Variants in CDK14 observed in about 807,000 individuals in gnomAD.
CDK14 encodes cyclin-dependent kinase 14.
In CDK14, 34 loss-of-function variants were observed where a neutral mutation model predicts 60.7. The observed-to-expected ratio is 0.56, with a 90% CI of 0.43 to 0.75. CDK14 has a LOEUF of 0.75. Ranked by LOEUF, CDK14 falls within the 30% of genes least tolerant of loss-of-function variation. The pLI, the probability that CDK14 is intolerant of heterozygous loss-of-function variation, is 0.00. For synonymous variants in CDK14, 197 were observed against 203.7 expected (o/e 0.97, Z 0.28); for missense variants, 482 against 564.1 (o/e 0.85, Z 1.47).
At chr7:90,712,068 G>GT (rs544472058) in intron 2 of CDK14, among the ~76,000 whole-genome samples, 23,474 of 145,742 alleles carry the variant, frequency 0.16, 1,931 homozygotes, top group Middle Eastern at 0.28. Flanking sequence ...TATGTGGCAA[G>GT]TTTTTTTTTT....
At chr7:91,143,881 T>A (rs803172) in intron 14 of CDK14, among the ~76,000 whole-genome samples, 2 of 151,990 alleles carry the variant, frequency 1.3e-5, no homozygotes, top group Non-Finnish European at 2.9e-5. Context: ...AGACCTGAGC[T>A]GTTCCTTCAT....
intron 8 of CDK14, among the ~76,000 whole-genome samples, chr7:90,934,026 C>A (rs541381502): frequency 1.1e-4 from 16 of 152,372 alleles, no homozygotes; most frequent in African/African-American, 2.9e-4. Flanking sequence ...ATTTAGCCTG[C>A]AGGCTGTGCT....
chr7:90,847,964 C>T (rs962090169), intron 5 of CDK14, among the ~76,000 whole-genome samples: 1 of 152,106 alleles, frequency 6.6e-6, no homozygotes, highest in Non-Finnish European at 1.5e-5. Flanking sequence ...TTTATTTGTT[C>T]ACATCCTTGT....
At chr7:90,776,717 C>T (rs1805062809) in intron 4 of CDK14, among the ~76,000 whole-genome samples, 1 of 152,154 alleles carries the variant, frequency 6.6e-6, no homozygotes, top group African/African-American at 2.4e-5. Flanking sequence ...TACTTTGGTT[C>T]TCTTTGGAGT....
At chr7:90,777,559 G>C (rs1382825614) in intron 4 of CDK14, among the ~76,000 whole-genome samples, 1 of 152,218 alleles carries the variant, frequency 6.6e-6, no homozygotes, top group Non-Finnish European at 1.5e-5. Flanking sequence ...CAGGGGCAGA[G>C]CTAGGCATTG....
intron 12 of CDK14, among the ~76,000 whole-genome samples, chr7:91,097,354 C>G (rs937915104): frequency 2.0e-5 from 3 of 151,742 alleles, no homozygotes; most frequent in African/African-American, 7.3e-5. Flanking sequence ...GCACTCCAGC[C>G]TGGGTGACAA....
intron 10 of CDK14, among the ~76,000 whole-genome samples, chr7:91,037,660 A>T (rs570159463): frequency 6.6e-6 from 1 of 152,284 alleles, no homozygotes; most frequent in East Asian, 1.9e-4. Context: ...TAGCTGTGCA[A>T]CCTTGAACAA....
At chr7:91,094,731 G>A (rs1228202833) in intron 12 of CDK14, among the ~76,000 whole-genome samples, 1 of 152,138 alleles carries the variant, frequency 6.6e-6, no homozygotes, top group East Asian at 1.9e-4. Flanking sequence ...TTTAGGTGGT[G>A]TGAAGAAAAA....
At chr7:90,925,098 T>G (rs562337038) in intron 8 of CDK14, among the ~76,000 whole-genome samples, 66 of 152,288 alleles carry the variant, frequency 4.3e-4, no homozygotes, top group African/African-American at 1.6e-3. Flanking sequence ...ATAATCAAGT[T>G]TATAGGCCTA....
chr7:91,076,094 TC>T (rs1047984825), intron 11 of CDK14, among the ~76,000 whole-genome samples: 55 of 151,108 alleles, frequency 3.6e-4, no homozygotes, highest in African/African-American at 1.3e-3. Flanking sequence ...TCATTGACAT[TC>T]CTCACAGAAT....
At position 90,998,611 on chromosome 7, in the gene CDK14, G is replaced by A. The variant is rs191706107; in HGVS notation, c.1041+14370G>A. Among the ~76,000 whole-genome samples the A allele has an allele frequency of 1.2e-4, 18 of 152,322 alleles. No individual in the cohort carries two copies. In the East Asian group the frequency reaches 2.1e-3, roughly 18 times the overall value. ...GGGTAACTTAAAAAGAAAATAGGCC[G>A]GGCGCGGTGGCTCACGCCTGTAATC... On this transcript the variant is annotated intron_variant, in intron 10 of 14. Coordinates refer to ENST00000380050, the MANE Select transcript of CDK14 (RefSeq NM_001287135.2).
chr7:90,872,809 G>C (rs1285217882), intron 6 of CDK14, among the ~76,000 whole-genome samples: 4 of 152,150 alleles, frequency 2.6e-5, no homozygotes, highest in East Asian at 1.9e-4. Flanking sequence ...TATGGTAAAT[G>C]CCTGCCTATC....
chr7:91,104,017 A>G (rs1799217077), intron 12 of CDK14, among the ~76,000 whole-genome samples: 1 of 152,232 alleles, frequency 6.6e-6, no homozygotes, highest in Non-Finnish European at 1.5e-5. Flanking sequence ...CTCTGAATTC[A>G]GTAGGGATTG....
At chr7:91,039,501 GC>G (rs1797027126) in intron 10 of CDK14, among the ~76,000 whole-genome samples, 2 of 152,104 alleles carry the variant, frequency 1.3e-5, no homozygotes, top group Non-Finnish European at 2.9e-5. Flanking sequence ...CTGATTTCCA[GC>G]CACCCATTCC....
intron 10 of CDK14, among the ~76,000 whole-genome samples, chr7:91,037,708 C>T (rs1056662237): frequency 7.9e-5 from 12 of 152,156 alleles, no homozygotes; most frequent in African/African-American, 2.7e-4. Flanking sequence ...CCTGATATTG[C>T]ACACATGATA....
At chr7:90,733,859 AGCTGGTTAT>A (rs1227154904) in intron 3 of CDK14, among the ~76,000 whole-genome samples, 1 of 152,102 alleles carries the variant, frequency 6.6e-6, no homozygotes, top group Non-Finnish European at 1.5e-5. Context: ...TTATGATGCT[AGCTGGTTAT>A]TTTGCCCATT....
chr7:90,998,893 A>C (rs1010521191), intron 10 of CDK14, among the ~76,000 whole-genome samples: 34 of 136,760 alleles, frequency 2.5e-4, no homozygotes, highest in African/African-American at 8.5e-4. Flanking sequence ...CATCTCAAAA[A>C]TAAAATAAAT....
At chr7:90,639,987 G>T (rs995667368) in intron 2 of CDK14, among the ~76,000 whole-genome samples, 4 of 152,094 alleles carry the variant, frequency 2.6e-5, no homozygotes, top group African/African-American at 9.7e-5. Flanking sequence ...GCAGTATTCG[G>T]GTGGGAGAGG....
At chr7:90,988,401 A>G (rs748259708) in intron 10 of CDK14, among the ~76,000 whole-genome samples, 5 of 152,164 alleles carry the variant, frequency 3.3e-5, no homozygotes, top group African/African-American at 9.7e-5. Flanking sequence ...ATAGGCACCT[A>G]ATTCTCCAAG....
Sources: allele counts gnomAD v4.1 joint callset (sites outside exome capture counted in the v4.1 genomes callset), GRCh38; gene constraint gnomAD v4.1.1; transcripts MANE v1.5; gene names NCBI Gene and HGNC (gene_info 2026-07-23, HGNC 2026-07-21).